ATAD2B: variants seen among roughly 807,000 people sequenced by gnomAD.
ATAD2B encodes ATPase family AAA domain-containing protein 2B.
Under a neutral mutation model 167.6 loss-of-function variants are expected in ATAD2B, and 40 were observed. That is an observed-to-expected ratio of 0.24 (90% CI 0.19 to 0.31). ATAD2B has a LOEUF of 0.31. ATAD2B is among the 10% of genes least tolerant of loss of function. The pLI is 1.00. For synonymous variants in ATAD2B, 579 were observed against 596.5 expected, an observed-to-expected ratio of 0.97 and a Z score of 0.43; for missense variants, 1,242 against 1,757.2, an observed-to-expected ratio of 0.71 and a Z score of 5.24.
At chr2:23,743,141 C>T in the ATAD2B span, among the ~76,000 whole-genome samples, 1 of 127,194 alleles carries the variant, frequency 7.9e-6, no homozygotes, top group Non-Finnish European at 1.7e-5. Flanking sequence ...GATGTTCGCC[C>T]AAAAAAAAAA....
chr2:23,900,912 T>C (rs539179542), intron 1 of ATAD2B: 1 of 152,732 alleles, frequency 6.5e-6, no homozygotes, highest in Admixed American at 6.5e-5. Context: ...ATCTTAAGAA[T>C]CCTTAAGTCC....
chr2:23,694,789 C>T, the ATAD2B span, among the ~76,000 whole-genome samples: 1 of 152,170 alleles, frequency 6.6e-6, no homozygotes, highest in Non-Finnish European at 1.5e-5. Flanking sequence ...TTTTGTATAC[C>T]CCATCCAGAT....
the ATAD2B span, among the ~76,000 whole-genome samples, chr2:23,737,113 C>T: frequency 6.6e-6 from 1 of 152,236 alleles, no homozygotes; most frequent in Non-Finnish European, 1.5e-5. Flanking sequence ...TAGGCTCCAC[C>T]TCTGGGGGCA....
intron 1 of ATAD2B, among the ~76,000 whole-genome samples, chr2:23,901,413 T>C (rs1700823967): frequency 6.6e-6 from 1 of 152,032 alleles, no homozygotes; most frequent in South Asian, 2.1e-4. Context: ...AAATTAAGCT[T>C]ATCCCTGCTA....
chr2:23,824,100 C>T (rs1687883391), intron 15 of ATAD2B, among the ~76,000 whole-genome samples: 1 of 152,072 alleles, frequency 6.6e-6, no homozygotes, highest in Admixed American at 6.6e-5. Flanking sequence ...GGGCATGTGC[C>T]ACCACACTCG....
chr2:23,708,669 A>G, the ATAD2B span: 1 of 152,204 alleles, frequency 6.6e-6, no homozygotes, highest in African/African-American at 2.4e-5. Flanking sequence ...AACCTGTTCT[A>G]CCCCTCATAC....
At chr2:23,681,832 C>T in the ATAD2B span, among the ~76,000 whole-genome samples, 2 of 152,158 alleles carry the variant, frequency 1.3e-5, no homozygotes, top group African/African-American at 4.8e-5. The surrounding 1 kb of genome is among the most constrained non-coding windows in gnomAD (Gnocchi z 4.2). Context: ...GGCATTAATT[C>T]GGCTGGTGAC....
chr2:23,719,189 G>A, the ATAD2B span, among the ~76,000 whole-genome samples: 32 of 152,258 alleles, frequency 2.1e-4, no homozygotes, highest in African/African-American at 6.0e-4. Context: ...GGACCTAGCC[G>A]AGTTGACTGT....
intron 1 of ATAD2B, among the ~76,000 whole-genome samples, chr2:23,899,381 T>C (rs1350351343): frequency 6.6e-6 from 1 of 150,802 alleles, no homozygotes; most frequent in African/African-American, 2.4e-5. Flanking sequence ...AATTCAAATA[T>C]GAGCATGTAT....
At chr2:23,791,000 T>C (rs1413262154) in intron 19 of ATAD2B, among the ~76,000 whole-genome samples, 1 of 152,220 alleles carries the variant, frequency 6.6e-6, no homozygotes. Context: ...CAACCACTGA[T>C]AATGCTTTCT....
the ATAD2B span, among the ~76,000 whole-genome samples, chr2:23,739,660 C>T: frequency 6.6e-6 from 1 of 152,152 alleles, no homozygotes; most frequent in Non-Finnish European, 1.5e-5. Context: ...CGAGAGCAAA[C>T]ACATTCAAAA....
At chr2:23,830,531 G>C (rs1688882529) in intron 14 of ATAD2B, among the ~76,000 whole-genome samples, 1 of 152,134 alleles carries the variant, frequency 6.6e-6, no homozygotes, top group African/African-American at 2.4e-5. Flanking sequence ...CTGGGGTCCA[G>C]CAACAAAACA....
At chr2:23,767,889 AAAAC>A (rs751433175) in intron 22 of ATAD2B, among the ~76,000 whole-genome samples, 16 of 149,038 alleles carry the variant, frequency 1.1e-4, no homozygotes, top group Admixed American at 4.7e-4. Context: ...TAAAGATGCA[AAAAC>A]AAACAAAAAA....
At chr2:23,886,654 G>A (rs1266200832) in intron 4 of ATAD2B, among the ~76,000 whole-genome samples, 2 of 152,160 alleles carry the variant, frequency 1.3e-5, no homozygotes, top group Admixed American at 6.5e-5. Flanking sequence ...ATGCTAGGCC[G>A]GGAGCGGTGG....
chr2:23,841,248 A>C (rs1032914210), intron 13 of ATAD2B, among the ~76,000 whole-genome samples: 58 of 151,730 alleles, frequency 3.8e-4, no homozygotes, highest in Non-Finnish European at 8.0e-4. Flanking sequence ...CCTAATTGTT[A>C]TATCTTCTAG....
At chr2:23,773,358 T>TA (rs1297134817) in intron 22 of ATAD2B, among the ~76,000 whole-genome samples, 1 of 152,008 alleles carries the variant, frequency 6.6e-6, no homozygotes, top group Non-Finnish European at 1.5e-5. Flanking sequence ...ATTAAAAAGT[T>TA]AGACAGGCTT....
At chr2:23,732,324 GA>G in the ATAD2B span, among the ~76,000 whole-genome samples, 42 of 151,786 alleles carry the variant, frequency 2.8e-4, no homozygotes, top group African/African-American at 7.0e-4. Context: ...TGACAAAGGA[GA>G]AAAAAAACTG....
intron 18 of ATAD2B, chr2:23,809,062 CTCTCT>C (rs1685110847): frequency 6.6e-6 from 1 of 152,088 alleles, no homozygotes; most frequent in Non-Finnish European, 1.5e-5. Context: ...TGTTTAGATT[CTCTCT>C]TCTCTGGGGT....
the ATAD2B span, among the ~76,000 whole-genome samples, chr2:23,725,042 C>CAAAAAA: frequency 1.4e-5 from 1 of 71,708 alleles, no homozygotes; most frequent in Non-Finnish European, 2.4e-5. Context: ...GACTCTGTCT[C>CAAAAAA]AAAAAAAAAA....
Sources: allele counts gnomAD v4.1 joint callset (sites outside exome capture counted in the v4.1 genomes callset), GRCh38; gene constraint gnomAD v4.1.1; non-coding constraint Gnocchi (gnomAD v3.1); transcripts MANE v1.5; gene names NCBI Gene and HGNC (gene_info 2026-07-23, HGNC 2026-07-21).